Variants in IL1RAPL1 observed in about 807,000 individuals in gnomAD.
IL1RAPL1 encodes interleukin 1 receptor accessory protein like 1.
IL1RAPL1 carries 3 observed loss-of-function variants against 48.4 expected under a neutral mutation model. The observed-to-expected ratio is 0.06, with a 90% CI of 0.03 to 0.16. IL1RAPL1 has a LOEUF of 0.16. IL1RAPL1 is among the 10% of genes least tolerant of loss of function. IL1RAPL1 has a pLI of 1.00. For synonymous variants in IL1RAPL1, 185 were observed against 187.7 expected (o/e 0.99, Z 0.12); for missense variants, 349 against 530.6 (o/e 0.66, Z 3.36).
intron 1 of IL1RAPL1, among the ~76,000 whole-genome samples, chrX:28,693,418 C>T (rs1279854365): frequency 1.8e-5 from 2 of 112,335 alleles, no homozygotes; most frequent in African/African-American, 6.5e-5. Flanking sequence ...AAAGCATATG[C>T]CTTTAATGAT....
intron 1 of IL1RAPL1, among the ~76,000 whole-genome samples, chrX:28,771,739 A>T (rs766014384): frequency 1.2e-4 from 13 of 111,305 alleles, no homozygotes; most frequent in South Asian, 3.7e-4. Context: ...TATCTTATTT[A>T]AAAATAGTCA....
chrX:28,658,933 A>G (rs1393965982), intron 1 of IL1RAPL1: 1 of 385,637 alleles, frequency 2.6e-6, no homozygotes, highest in Non-Finnish European at 4.4e-6. Flanking sequence ...CTATTTTTCC[A>G]CTTGCAATCA....
At chrX:29,098,873 G>A (rs751219806) in intron 2 of IL1RAPL1, among the ~76,000 whole-genome samples, 46 of 112,225 alleles carry the variant, frequency 4.1e-4, no homozygotes, top group Non-Finnish European at 7.7e-4. Context: ...ATGTATGGCC[G>A]GGTGCAGAGG....
intron 6 of IL1RAPL1, among the ~76,000 whole-genome samples, chrX:29,803,660 TAC>T (rs201449245): frequency 0.018 from 1,930 of 105,188 alleles, 36 homozygotes; most frequent in African/African-American, 0.046. Flanking sequence ...TGTATATATA[TAC>T]ACACACACAA....
At chrX:29,708,725 A>T (rs1337656812) in intron 6 of IL1RAPL1, among the ~76,000 whole-genome samples, 1 of 112,115 alleles carries the variant, frequency 8.9e-6, no homozygotes, top group Non-Finnish European at 1.9e-5. Context: ...ATTCCTTGGG[A>T]AATATACCCA....
chrX:29,055,952 A>T (rs1261468744), intron 2 of IL1RAPL1, among the ~76,000 whole-genome samples: 4 of 112,017 alleles, frequency 3.6e-5, no homozygotes, highest in Non-Finnish European at 7.5e-5. Flanking sequence ...AACTCACTTG[A>T]GTAATTAATC....
rs188499037 is a variant in IL1RAPL1 at position 28,827,479 on chromosome X, G to A, written c.82+38054G>A. Among the ~76,000 whole-genome samples, 20 of 111,451 alleles carry A rather than the reference G, an allele frequency of 1.8e-4. No individual in the cohort carries two copies. In the East Asian group the frequency reaches 5.4e-3, roughly 30 times the overall value. ...TGATTTTGATGTAGACTATGTAAAA[G>A]TTTTCTTCTGACTTTATTAGGTTAT... On this transcript the variant is annotated intron_variant, in intron 2 of 10. Transcript: ENST00000378993.
At chrX:29,803,001 G>GTGTA (rs1473620566) in intron 6 of IL1RAPL1, among the ~76,000 whole-genome samples, 1,832 of 41,208 alleles carry the variant, frequency 0.044, 335 homozygotes, top group African/African-American at 0.062. Flanking sequence ...ATATATGTAT[G>GTGTA]CATATATACA....
At chrX:28,777,128 C>G (rs1357150243) in intron 1 of IL1RAPL1, among the ~76,000 whole-genome samples, 2 of 111,385 alleles carry the variant, frequency 1.8e-5, no homozygotes, top group African/African-American at 6.5e-5. Context: ...AGGGCTAGGT[C>G]TTCTAGGGCT....
chrX:29,595,994 C>T (rs1303239866), intron 5 of IL1RAPL1, among the ~76,000 whole-genome samples: 1 of 111,526 alleles, frequency 9.0e-6, no homozygotes, highest in Non-Finnish European at 1.9e-5. Flanking sequence ...AATAGGGTGT[C>T]CTTTCCCCAG....
At chrX:29,904,556 T>C (rs1932569246) in intron 6 of IL1RAPL1, among the ~76,000 whole-genome samples, 1 of 107,081 alleles carries the variant, frequency 9.3e-6, no homozygotes, top group African/African-American at 3.3e-5. Flanking sequence ...CAGTGTGTGA[T>C]GTTCCCCTCC....
chrX:29,441,336 G>A (rs1218639158), intron 5 of IL1RAPL1, among the ~76,000 whole-genome samples: 1 of 111,607 alleles, frequency 9.0e-6, no homozygotes, highest in East Asian at 2.8e-4. Context: ...TTTGATTTTT[G>A]CCTGCAGACA....
At chrX:29,335,773 T>G (rs1169056119) in intron 3 of IL1RAPL1, among the ~76,000 whole-genome samples, 1 of 111,860 alleles carries the variant, frequency 8.9e-6, no homozygotes, top group African/African-American at 3.3e-5. Flanking sequence ...AAGTACTTTG[T>G]GACAGCTATT....
chrX:29,879,408 TATA>T (rs1411528822), intron 6 of IL1RAPL1, among the ~76,000 whole-genome samples: 2 of 106,211 alleles, frequency 1.9e-5, no homozygotes, highest in East Asian at 2.9e-4. Context: ...TATATATATA[TATA>T]ATATTTGTGT....
rs889231478 is a variant in IL1RAPL1 at position 29,404,975 on chromosome X, A to G, written c.703+5667A>G. Reference sequence around the variant, plus strand: ...GTCGCCCAGGGTGGAGTGCAGTGGCATGATCTCGGCTCACTGCAACCTCTG... The same window carrying G: ...GTCGCCCAGGGTGGAGTGCAGTGGCGTGATCTCGGCTCACTGCAACCTCTG... On this transcript the variant is annotated intron_variant, in intron 5 of 10. Transcript: ENST00000378993. 4.3e-4 allele frequency among the ~76,000 whole-genome samples: 47 copies of G among 109,598 alleles called. 1 individual carries two copies. Among genetic ancestry groups the G allele is most frequent in the African/African-American group, 1.5e-3 (46 of 29,944 alleles).
intron 3 of IL1RAPL1, among the ~76,000 whole-genome samples, chrX:29,355,619 C>A (rs369429986): frequency 2.7e-5 from 3 of 111,649 alleles, no homozygotes; most frequent in Non-Finnish European, 5.7e-5. Flanking sequence ...TAAACTGTTA[C>A]GCTAATTATC....
intron 2 of IL1RAPL1, among the ~76,000 whole-genome samples, chrX:28,993,649 A>G (rs1925663789): frequency 8.9e-6 from 1 of 112,284 alleles, no homozygotes; most frequent in African/African-American, 3.2e-5. Flanking sequence ...ATTAATTTTT[A>G]CAAGTAAATT....
chrX:29,386,067 T>C (rs1045547854), intron 3 of IL1RAPL1, among the ~76,000 whole-genome samples: 2 of 112,102 alleles, frequency 1.8e-5, no homozygotes, highest in African/African-American at 6.5e-5. Flanking sequence ...TCTCACTCTG[T>C]TTCTCAGGCT....
chrX:29,383,393 A>T (rs771364669), intron 3 of IL1RAPL1, among the ~76,000 whole-genome samples: 36 of 112,090 alleles, frequency 3.2e-4, no homozygotes, highest in African/African-American at 3.6e-4. Context: ...TCGGATAAAG[A>T]TTGGACCCAC....
Sources: allele counts gnomAD v4.1 joint callset (sites outside exome capture counted in the v4.1 genomes callset), GRCh38; gene constraint gnomAD v4.1.1; transcripts MANE v1.5; gene names NCBI Gene and HGNC (gene_info 2026-07-23, HGNC 2026-07-21).